TUT1: variants seen among roughly 807,000 people sequenced by gnomAD.
The protein encoded by TUT1 is terminal uridylyl transferase 1, U6 snRNA-specific.
Under a neutral mutation model 48.8 loss-of-function variants are expected in TUT1, and 26 were observed. The ratio of observed to expected loss-of-function variants is 0.53; its 90% CI spans 0.39 to 0.74. The LOEUF (loss-of-function observed/expected upper bound fraction) is 0.74. Ranked by LOEUF, TUT1 falls within the 30% of genes least tolerant of loss-of-function variation. The probability of loss-of-function intolerance (pLI) is 0.00; values close to 1 mark genes in which losing one functional copy is unlikely to be tolerated. For synonymous variants in TUT1, 470 were observed against 460.8 expected (o/e 1.02, Z -0.26); for missense variants, 1,065 against 1,114.8 (o/e 0.96, Z 0.64).
intron 2 of TUT1, chr11:62,582,587 G>A (rs1364074001): frequency 1.5e-5 from 7 of 455,382 alleles, no homozygotes; most frequent in African/African-American, 6.0e-5. Flanking sequence ...GAGAGACAGC[G>A]AGACCCTGTC....
intron 2 of TUT1, among the ~76,000 whole-genome samples, chr11:62,583,694 C>G (rs887947664): frequency 1.2e-4 from 19 of 152,260 alleles, no homozygotes; most frequent in African/African-American, 4.3e-4. Flanking sequence ...TAAAGCTGGA[C>G]CCTCATCTTG....
At position 62,581,379 on chromosome 11, in the gene TUT1, A is replaced by G; in HGVS notation, c.589+7T>C. Reference sequence around the variant, plus strand: ...AGGGCTCAGACATAGTAGGGGAGGTAACTTACCAGGGAAGAACTCTGTGAA... The same window carrying G: ...AGGGCTCAGACATAGTAGGGGAGGTGACTTACCAGGGAAGAACTCTGTGAA... On this transcript the variant is annotated splice_region_variant and intron_variant, in intron 3 of 8. Coordinates refer to ENST00000476907, the MANE Select transcript of TUT1 (RefSeq NM_022830.3). 1 of 1,591,532 alleles carries G rather than the reference A, an allele frequency of 6.3e-7. No individual in the cohort carries two copies.
Position 62,575,389 on chromosome 11 carries a change from C to T in TUT1, c.2330G>A (p.Gly777Glu). The T allele has an allele frequency of 6.2e-7, 1 of 1,612,676 alleles. No individual in the cohort carries two copies. The highest frequency in any genetic ancestry group is 8.5e-7 in the Non-Finnish European group (1 of 1,180,030). Residue 777 changes from glycine (G) to glutamate (E), a missense_variant, in exon 9 of 9, where the codon GGG (glycine) becomes GAG (glutamate). Physicochemically the swap from Gly to Glu is moderately conservative, Grantham distance 98. Coordinates refer to ENST00000476907, the MANE Select transcript of TUT1 (RefSeq NM_022830.3). Reference sequence around the variant, plus strand: ...CAAGCGTCTACGGGCTCGCCGCCGCCCTTGCCACACTCGGTGCCACAAGGC... The same window carrying T: ...CAAGCGTCTACGGGCTCGCCGCCGCTCTTGCCACACTCGGTGCCACAAGGC... ...RCALWHRVWQ[G>E]RRRARRRLQQ...
chr11:62,581,311 A>C, intron 3 of TUT1, 75 bp downstream of exon 3: 1 of 1,560,526 alleles, frequency 6.4e-7, no homozygotes, highest in Non-Finnish European at 8.7e-7. Context: ...CCTCTAGCGG[A>C]GGAAGGACTG....
At chr11:62,582,577 G>A (rs1163929046) in intron 2 of TUT1, 6 of 455,282 alleles carry the variant, frequency 1.3e-5, no homozygotes, top group Non-Finnish European at 2.2e-5. Flanking sequence ...ACACCAGCCT[G>A]AGAGACAGCG....
intron 1 of TUT1, among the ~76,000 whole-genome samples, chr11:62,590,386 C>A (rs906832075): frequency 6.6e-6 from 1 of 152,200 alleles, no homozygotes; most frequent in Admixed American, 6.5e-5. Context: ...CCTGTAATCC[C>A]GGCACTTTGG....
intron 7 of TUT1, 56 bp downstream of exon 7, chr11:62,576,836 GTGTATCTAAGTGTGA>G: frequency 1.3e-6 from 2 of 1,588,390 alleles, no homozygotes; most frequent in South Asian, 2.2e-5. Flanking sequence ...GAGCTGCTTG[GTGTATCTAAGTGTGA>G]TGAAGAAGAG....
At chr11:62,578,519 T>G (rs1324725683) in intron 5 of TUT1, 42 bp downstream of exon 5, 1 of 1,535,348 alleles carries the variant, frequency 6.5e-7, no homozygotes, top group East Asian at 2.3e-5. Flanking sequence ...TACTCCAGCC[T>G]GGGCAACGAG....
chr11:62,581,663 A>G lies in TUT1; in HGVS notation c.312T>C (p.Ala104=). ...GGGACTGTGACAAGACAGCCTCTCGAGCACCCACGTCCCCCATCTCCACAA... is the reference window on the plus strand; with the variant it reads ...GGGACTGTGACAAGACAGCCTCTCGGGCACCCACGTCCCCCATCTCCACAA... ...FAIVEMGDVG[A]REAVLSQSQH... The change falls in exon 3 of 9, where the codon GCT becomes GCC. Residue 104 remains alanine (A), a synonymous_variant. Coordinates refer to ENST00000476907, the MANE Select transcript of TUT1 (RefSeq NM_022830.3). 1 of 1,500,336 alleles carries G rather than the reference A, an allele frequency of 6.7e-7. No homozygotes were observed. The highest frequency in any genetic ancestry group is 8.9e-7 in the Non-Finnish European group (1 of 1,123,518). 92.9% of individuals were successfully genotyped at this position (1,500,336 alleles called of 1,614,324 possible).
rs762793933 is a variant in TUT1, at chr11:62,589,135, T to C, written c.169A>G (p.Ser57Gly). The C allele has an allele frequency of 8.7e-6, 14 of 1,614,218 alleles. No individual in the cohort carries two copies. Among genetic ancestry groups the C allele is most frequent in the African/African-American group, 1.3e-5 (1 of 75,062 alleles). ...RAARKAQGLR[S>G]VFVSGFPRDV... The stretch of plus-strand genomic sequence containing the variant: ...CTGGGAAAGCCACTGACAAACACAC[T>C]TCGAAGTCCCTGGGCCTTTCTCGCA... Residue 57 changes from serine to glycine, a missense_variant, in exon 2 of 9, where the codon AGT (serine) becomes GGT (glycine). Transcript: ENST00000476907.
rs1167526079 is a variant in TUT1 at position 62,581,420 on chromosome 11, G to A, written c.555C>T (p.Ala185=). 3.7e-6 allele frequency: 6 copies of A among 1,610,548 alleles called. No homozygotes were observed. The highest frequency in any genetic ancestry group is 5.1e-6 in the Non-Finnish European group (6 of 1,178,810). The change falls in exon 3 of 9, where the codon GCC becomes GCT. Residue 185 remains alanine, a synonymous_variant. Coordinates refer to ENST00000476907, the MANE Select transcript of TUT1 (RefSeq NM_022830.3). ...AERQLRSLVV[A]LMQEVFTEFF... is the part of the protein sequence containing the mutation. Reference sequence around the variant, plus strand: ...ACTCTGTGAAGACCTCCTGCATCAGGGCCACCACTAGGCTGCGAAGCTGCC... The same window carrying A: ...ACTCTGTGAAGACCTCCTGCATCAGAGCCACCACTAGGCTGCGAAGCTGCC...
chr11:62,588,746 G>A (rs1423037932), intron 2 of TUT1, among the ~76,000 whole-genome samples: 3 of 152,168 alleles, frequency 2.0e-5, no homozygotes, highest in Non-Finnish European at 2.9e-5. Flanking sequence ...CCAGGCTGGA[G>A]CACAGTGGCA....
At position 62,575,499 on chromosome 11, in the gene TUT1, G is replaced by A. The variant is rs1163526661; in HGVS notation, c.2220C>T (p.Pro740=). The A allele has an allele frequency of 6.2e-7, 1 of 1,612,702 alleles. No homozygotes were observed. The highest frequency in any genetic ancestry group is 1.7e-5 in the Admixed American group (1 of 60,006). The change falls in exon 9 of 9, where the codon CCC becomes CCT. Residue 740 remains proline (P), a synonymous_variant. Transcript: ENST00000476907. ...PSHAALAERG[P]KGHEAAQEWS... The stretch of plus-strand genomic sequence containing the variant: ...ATTCTTGGGCTGCCTCATGTCCCTT[G>A]GGCCCCCGCTCTGCCAGGGCTGCGT...
At position 62,581,135 on chromosome 11, in the gene TUT1, A is replaced by G. The variant is rs900055654; in HGVS notation, c.661T>C (p.Leu221=). 10 of 1,614,044 alleles carry G rather than the reference A, an allele frequency of 6.2e-6. No homozygotes were observed. The highest frequency in any genetic ancestry group is 8.5e-6 in the Non-Finnish European group (10 of 1,180,026). Residue 221 remains leucine, a synonymous_variant, in exon 4 of 9, where the codon TTG becomes CTG. Coordinates refer to ENST00000476907, the MANE Select transcript of TUT1 (RefSeq NM_022830.3). The stretch of plus-strand genomic sequence containing the variant: ...GGCTCTTCCAAGTCACCCAGATCCA[A>G]GAAGAGGTCAAGATCACAGCCATGG... The part of the protein sequence containing the change: ...DVHGCDLDLF[L]DLGDLEEPQP...
intron 5 of TUT1, 144 bp downstream of exon 5, chr11:62,578,417 T>C (rs1382494996): frequency 1.4e-5 from 10 of 733,484 alleles, no homozygotes; most frequent in Non-Finnish European, 2.2e-5. Context: ...TGGTGGCGCA[T>C]GCCTGTAATC....
rs771190111 is a variant in TUT1, at chr11:62,575,473, C to A, written c.2246G>T (p.Trp749Leu). The change falls in exon 9 of 9, where the codon TGG becomes TTG. Residue 749 changes from tryptophan to leucine, a missense_variant. By Grantham distance (61) the Trp-to-Leu change is moderately conservative. Coordinates refer to ENST00000476907, the MANE Select transcript of TUT1 (RefSeq NM_022830.3). ...GPKGHEAAQE[W>L]SQGEAGKGAS... is the part of the protein sequence containing the mutation. ...CCCCTTCCCTGCCTCACCCTGAGACCATTCTTGGGCTGCCTCATGTCCCTT... is the reference window on the plus strand; with the variant it reads ...CCCCTTCCCTGCCTCACCCTGAGACAATTCTTGGGCTGCCTCATGTCCCTT... The A allele has an allele frequency of 6.8e-6, 11 of 1,612,072 alleles. No homozygotes were observed. In the African/African-American group the frequency reaches 1.3e-4, roughly 20 times the overall value.
chr11:62,588,904 G>A (rs531803741), intron 2 of TUT1, 127 bp downstream of exon 2: 20 of 793,350 alleles, frequency 2.5e-5, no homozygotes, highest in Non-Finnish European at 3.6e-5. Context: ...ATGTTGGCCA[G>A]GCTGGTCTCA....
chr11:62,586,985 G>A lies in TUT1; in HGVS notation c.273+2046C>T, dbSNP rs1436100282. Among the ~76,000 whole-genome samples, 6 of 147,104 alleles carry A rather than the reference G, an allele frequency of 4.1e-5. No individual in the cohort carries two copies. In the South Asian group the frequency reaches 8.6e-4, roughly 21 times the overall value. The stretch of plus-strand genomic sequence containing the variant: ...CTCCCAAAGTGCTGGGATTACAGGC[G>A]TAAGCCACTGTGCCCAGTCGAGAGA... On this transcript the variant is annotated intron_variant, in intron 2 of 8. Transcript: ENST00000476907.
chr11:62,587,351 T>G (rs978785707), intron 2 of TUT1, among the ~76,000 whole-genome samples: 9 of 152,076 alleles, frequency 5.9e-5, no homozygotes, highest in African/African-American at 2.2e-4. Flanking sequence ...CCCGCTAATT[T>G]TGTATTTTTA....
Sources: gnomAD v4.1 joint callset for allele counts (sites outside exome capture counted in the v4.1 genomes callset) on GRCh38, gnomAD v4.1.1 for gene constraint, MANE v1.5 for transcripts, NCBI Gene and HGNC (gene_info 2026-07-23, HGNC 2026-07-21) for gene names.